Variants in MGAT4C observed in about 807,000 individuals in gnomAD.
MGAT4C encodes MGAT4 family member C, also known as alpha-1,3-mannosyl-glycoprotein 4-beta-N-acetylglucosaminyltransferase C.
Under a neutral mutation model 40.1 loss-of-function variants are expected in MGAT4C, and 19 were observed. The ratio of observed to expected loss-of-function variants is 0.47; its 90% CI spans 0.33 to 0.70. The LOEUF is 0.70. MGAT4C is among the 30% of genes least tolerant of loss of function. The pLI, the probability that MGAT4C is intolerant of heterozygous loss-of-function variation, is 0.02. For missense variants in MGAT4C, 491 were observed against 563.2 expected, an observed-to-expected ratio of 0.87 and a Z score of 1.30; for synonymous variants, 181 against 187.1, an observed-to-expected ratio of 0.97 and a Z score of 0.27.
chr12:86,822,763 C>T (rs1053635731), intron 1 of MGAT4C, among the ~76,000 whole-genome samples: 1 of 150,808 alleles, frequency 6.6e-6, no homozygotes, highest in Non-Finnish European at 1.5e-5. Context: ...TGGGTAGTAA[C>T]CACACAAAAA....
chr12:86,665,600 T>C (rs1342016198), intron 2 of MGAT4C, among the ~76,000 whole-genome samples: 2 of 152,092 alleles, frequency 1.3e-5, no homozygotes, highest in Admixed American at 6.5e-5. Flanking sequence ...GATGTTCTCC[T>C]GACCTCGTGA....
At chr12:86,563,544 AC>A (rs1240263883) in intron 2 of MGAT4C, among the ~76,000 whole-genome samples, 1 of 152,176 alleles carries the variant, frequency 6.6e-6, no homozygotes, top group Non-Finnish European at 1.5e-5. Flanking sequence ...CAGGCCCAGA[AC>A]CTTAAATAAA....
rs935341510 is a variant in MGAT4C, at chr12:85,977,674, T to C, written c.*1615A>G. 1 of 151,332 alleles carries C rather than the reference T, an allele frequency of 6.6e-6. No homozygotes were observed. Among genetic ancestry groups the C allele is most frequent in the African/African-American group, 2.4e-5 (1 of 41,304 alleles). The allele number at this position is 151,332 out of a possible 1,614,324, so 9.4% of individuals were successfully genotyped here. A position where few individuals can be genotyped will look rare whatever the true frequency, so the allele number is the denominator to read the frequency against. On this transcript the variant is annotated 3_prime_UTR_variant, in exon 5 of 5. Transcript: ENST00000611864. ...CGAATAAAATAAAAATATCCTAGTG[T>C]TGTTTGCACCACAGCATACCAGTAA... is the stretch of plus-strand genomic sequence containing the variant.
intron 1 of MGAT4C, among the ~76,000 whole-genome samples, chr12:86,122,715 C>T (rs976059405): frequency 6.6e-6 from 1 of 151,830 alleles, no homozygotes; most frequent in African/African-American, 2.4e-5. Flanking sequence ...AAAGAGGGAT[C>T]AACAAAACAA....
At chr12:86,560,078 A>T (rs2136407394) in intron 2 of MGAT4C, among the ~76,000 whole-genome samples, 1 of 152,138 alleles carries the variant, frequency 6.6e-6, no homozygotes, top group Non-Finnish European at 1.5e-5. Flanking sequence ...GGACACATAA[A>T]ACCTACCAAG....
At chr12:86,093,587 G>A (rs978154547) in intron 1 of MGAT4C, among the ~76,000 whole-genome samples, 9 of 151,992 alleles carry the variant, frequency 5.9e-5, no homozygotes, top group African/African-American at 2.2e-4. Flanking sequence ...AATTAGCTGG[G>A]TGTGGTGGTA....
chr12:86,728,641 A>G (rs1262899048), intron 1 of MGAT4C, among the ~76,000 whole-genome samples: 2 of 152,212 alleles, frequency 1.3e-5, no homozygotes, highest in African/African-American at 2.4e-5. Context: ...CAGTGAGCTG[A>G]GATCTCGTCA....
chr12:86,676,632 T>C (rs191949666), intron 2 of MGAT4C, among the ~76,000 whole-genome samples: 3 of 152,254 alleles, frequency 2.0e-5, no homozygotes, highest in Non-Finnish European at 4.4e-5. Flanking sequence ...GCTATCTTTT[T>C]AGGTAACCTG....
At chr12:86,508,480 C>T (rs1220139474) in intron 2 of MGAT4C, among the ~76,000 whole-genome samples, 1 of 152,042 alleles carries the variant, frequency 6.6e-6, no homozygotes, top group Non-Finnish European at 1.5e-5. Context: ...TGGGTTGGTT[C>T]CAAGTCTTTG....
chr12:86,056,828 G>A (rs1483854821), intron 1 of MGAT4C, among the ~76,000 whole-genome samples: 2 of 152,056 alleles, frequency 1.3e-5, no homozygotes, highest in African/African-American at 4.8e-5. Context: ...CACAATGGTT[G>A]AACTAATTTA....
intron 2 of MGAT4C, among the ~76,000 whole-genome samples, chr12:86,718,198 A>G (rs532722761): frequency 1.0e-3 from 152 of 152,342 alleles, no homozygotes; most frequent in African/African-American, 3.3e-3. Flanking sequence ...CCATGATGGT[A>G]AAATAAACTC....
chr12:86,612,321 T>A (rs945982385), intron 2 of MGAT4C, among the ~76,000 whole-genome samples: 2 of 152,186 alleles, frequency 1.3e-5, no homozygotes, highest in African/African-American at 4.8e-5. Flanking sequence ...AACTATCATT[T>A]CTATTAGCTA....
chr12:86,283,241 T>C lies in MGAT4C; in HGVS notation c.-57+50824A>G, dbSNP rs183913753. On this transcript the variant is annotated intron_variant, in intron 4 of 7. Coordinates refer to the MGAT4C transcript ENST00000548651. ...TAGAAAAGTGATGTAACTGTGAGGTTCACCTCTTGTACTTCTCACATCCCT... is the reference window on the plus strand; with the variant it reads ...TAGAAAAGTGATGTAACTGTGAGGTCCACCTCTTGTACTTCTCACATCCCT... Among the ~76,000 whole-genome samples the C allele has an allele frequency of 3.9e-3, 597 of 152,180 alleles. 3 individuals carry two copies. The highest frequency in any genetic ancestry group is 8.7e-3 in the Admixed American group (132 of 15,258).
At chr12:86,729,975 G>A (rs1354243722) in intron 1 of MGAT4C, among the ~76,000 whole-genome samples, 1 of 151,846 alleles carries the variant, frequency 6.6e-6, no homozygotes, top group Non-Finnish European at 1.5e-5. Context: ...ATTAATCATG[G>A]CATAGTTTCT....
intron 2 of MGAT4C, among the ~76,000 whole-genome samples, chr12:86,483,548 G>A (rs1339814726): frequency 1.3e-5 from 2 of 151,894 alleles, no homozygotes; most frequent in African/African-American, 4.8e-5. Flanking sequence ...AGTTTACTTA[G>A]AAAAGTATGT....
rs1335161260 is a variant in MGAT4C at position 86,785,858 on chromosome 12, A to AT, written c.-262+52807dup. Among the ~76,000 whole-genome samples the AT allele has an allele frequency of 1.6e-4, 24 of 151,888 alleles. No individual in the cohort carries two copies. The East Asian group carries it at 4.4e-3, about 28-fold the overall frequency. On this transcript the variant is annotated intron_variant, in intron 1 of 7. Coordinates refer to the MGAT4C transcript ENST00000548651. ...TTTTTTAGGTACCCAAAATTTTCCC[A>AT]TTTTCTCTGTTGATTTAGAGTTTAT... is the stretch of plus-strand genomic sequence containing the variant.
intron 2 of MGAT4C, among the ~76,000 whole-genome samples, chr12:86,697,235 T>A (rs1950275297): frequency 6.6e-6 from 1 of 152,112 alleles, no homozygotes; most frequent in South Asian, 2.1e-4. Context: ...AGAGATTACA[T>A]GCAATATTTC....
At chr12:86,003,376 T>TA (rs1249967944) in intron 2 of MGAT4C, among the ~76,000 whole-genome samples, 2 of 152,096 alleles carry the variant, frequency 1.3e-5, no homozygotes, top group Non-Finnish European at 2.9e-5. Flanking sequence ...TGCTTAGGAT[T>TA]AAAAAAATTA....
At chr12:86,503,482 T>C (rs866563624) in intron 2 of MGAT4C, among the ~76,000 whole-genome samples, 10 of 8,632 alleles carry the variant, frequency 1.2e-3, no homozygotes, top group Admixed American at 2.7e-3. Context: ...CTCATATATA[T>C]ATATGAGTTC....
Sources: allele counts gnomAD v4.1 joint callset (sites outside exome capture counted in the v4.1 genomes callset), GRCh38; gene constraint gnomAD v4.1.1; transcripts MANE v1.5; gene names NCBI Gene and HGNC (gene_info 2026-07-23, HGNC 2026-07-21).